Variants in DMD observed in about 807,000 individuals in gnomAD.
The protein encoded by DMD is dystrophin, also known as mutant dystrophin.
A neutral mutation model predicts 330.1 loss-of-function variants in DMD; 63 were observed. That is an observed-to-expected ratio of 0.19 (90% CI 0.16 to 0.24). The LOEUF (loss-of-function observed/expected upper bound fraction) is 0.24, where lower values mean the gene tolerates loss of function less well. DMD is among the 10% of genes least tolerant of loss of function. The pLI, the probability that DMD is intolerant of heterozygous loss-of-function variation, is 1.00. For synonymous variants in DMD, 1,223 were observed against 959.8 expected, an observed-to-expected ratio of 1.27 and a Z score of -5.07; for missense variants, 3,344 against 2,684.1, an observed-to-expected ratio of 1.25 and a Z score of -5.43.
chrX:32,694,021 T>G (rs2063471012), intron 9 of DMD, among the ~76,000 whole-genome samples: 1 of 112,202 alleles, frequency 8.9e-6, no homozygotes, highest in South Asian at 3.7e-4. Context: ...CTAAATTCAC[T>G]GAATAATTTT....
chrX:31,526,828 G>A (rs1480308160), intron 55 of DMD, among the ~76,000 whole-genome samples: 1 of 112,234 alleles, frequency 8.9e-6, no homozygotes, highest in East Asian at 2.8e-4. Context: ...TAAAAAGAGG[G>A]GCTGGGCATG....
chrX:32,792,140 G>A (rs1481870304), intron 7 of DMD, among the ~76,000 whole-genome samples: 1 of 111,574 alleles, frequency 9.0e-6, no homozygotes, highest in Non-Finnish European at 1.9e-5. Flanking sequence ...CCCAGCCAAG[G>A]TAGCCTTCAT....
chrX:32,352,150 A>G (rs1309437661), intron 37 of DMD, among the ~76,000 whole-genome samples: 1 of 110,698 alleles, frequency 9.0e-6, no homozygotes, highest in Non-Finnish European at 1.9e-5. Context: ...AAAAACACTG[A>G]TTTTCAAGTA....
At position 32,365,163 on chromosome X, in the gene DMD, G is replaced by T. The variant is rs1172674386; in HGVS notation, c.4882C>A (p.Leu1628Met). The T allele has an allele frequency of 3.3e-6, 4 of 1,210,876 alleles. No homozygotes were observed. The South Asian group carries it at 7.0e-5, about 21-fold the overall frequency. ...TCTCCTACCTCTGTGATACTCTTCA[G>T]GTGCACCTTCTGTTTCTCAATCTCT... ...QKEIEKQKVH[L>M]KSITEVGEAL... Residue 1628 changes from leucine to methionine, a missense_variant, in exon 35 of 79, where the codon CTG becomes ATG. Transcript: ENST00000357033.
chrX:33,336,910 C>A (rs2054262860), intron 1 of DMD, among the ~76,000 whole-genome samples: 2 of 110,972 alleles, frequency 1.8e-5, no homozygotes, highest in Admixed American at 1.9e-4. Context: ...ATGCATTTAT[C>A]AATAAGGGTT....
chrX:32,485,669 A>T (rs2042361792), intron 20 of DMD, among the ~76,000 whole-genome samples: 1 of 104,586 alleles, frequency 9.6e-6, no homozygotes, highest in South Asian at 4.4e-4. Flanking sequence ...ATATAAAAAT[A>T]TATCTATAAT....
intron 11 of DMD, among the ~76,000 whole-genome samples, chrX:32,616,412 T>C (rs1281342743): frequency 9.0e-6 from 1 of 111,259 alleles, no homozygotes. Flanking sequence ...AAATTATTTA[T>C]TTACATAGCA....
intron 57 of DMD, among the ~76,000 whole-genome samples, chrX:31,496,285 G>A (rs1476415440): frequency 4.5e-5 from 5 of 112,032 alleles, no homozygotes; most frequent in Non-Finnish European, 7.5e-5. Context: ...AATATGGACT[G>A]GATATTTGAT....
intron 43 of DMD, among the ~76,000 whole-genome samples, chrX:32,234,749 T>C (rs1053516159): frequency 3.6e-5 from 4 of 111,985 alleles, no homozygotes; most frequent in Non-Finnish European, 7.5e-5. Context: ...AATACCTCAA[T>C]ATGGATATCA....
At chrX:31,973,991 A>G (rs1179209550) in intron 44 of DMD, among the ~76,000 whole-genome samples, 1 of 112,096 alleles carries the variant, frequency 8.9e-6, no homozygotes, top group Non-Finnish European at 1.9e-5. Flanking sequence ...TATTCACAAT[A>G]GCAAAGACAT....
At chrX:32,665,274 TG>T (rs1307186518) in intron 9 of DMD, among the ~76,000 whole-genome samples, 1 of 111,577 alleles carries the variant, frequency 9.0e-6, no homozygotes. Context: ...ATTAAGAATA[TG>T]GGCTGTGGAA....
Position 32,310,247 on chromosome X carries a change from C to T in DMD, c.5952G>A (p.Val1984=). The T allele has an allele frequency of 8.3e-7, 1 of 1,209,202 alleles. No individual in the cohort carries two copies. The highest frequency in any genetic ancestry group is 1.1e-6 in the Non-Finnish European group (1 of 893,853). The change falls in exon 42 of 79, where the codon GTG becomes GTA. Residue 1984 remains valine (V), a synonymous_variant. Coordinates refer to ENST00000357033, the MANE Select transcript of DMD (RefSeq NM_004006.3). ...IHTVREETMM[V]MTEDMPLEIS... ...TTTCCAAAGGCATGTCTTCAGTCAT[C>T]ACCATCATCGTTTCTTCACGGACAG... is the stretch of plus-strand genomic sequence containing the variant.
At chrX:32,585,115 T>C (rs1329868393) in intron 13 of DMD, among the ~76,000 whole-genome samples, 1 of 111,149 alleles carries the variant, frequency 9.0e-6, no homozygotes, top group Non-Finnish European at 1.9e-5. Context: ...ATGTTCTCAT[T>C]CACATGTGGG....
At chrX:33,181,481 T>C (rs1358962948) in intron 1 of DMD, among the ~76,000 whole-genome samples, 1 of 111,567 alleles carries the variant, frequency 9.0e-6, no homozygotes, top group Middle Eastern at 4.6e-3. Context: ...ATCACTGAGC[T>C]CAGGGAGGTA....
intron 1 of DMD, among the ~76,000 whole-genome samples, chrX:33,205,175 T>C (rs998912787): frequency 8.9e-6 from 1 of 112,660 alleles, no homozygotes; most frequent in African/African-American, 3.2e-5. Flanking sequence ...TCCCTTTTGC[T>C]TCCTAGTTAT....
At chrX:32,401,551 C>T (rs2098086294) in intron 30 of DMD, among the ~76,000 whole-genome samples, 1 of 110,829 alleles carries the variant, frequency 9.0e-6, no homozygotes, top group African/African-American at 3.3e-5. Context: ...TAGAAGGATC[C>T]TTACTAGAGG....
chrX:32,608,981 T>C (rs1205347329), intron 12 of DMD, among the ~76,000 whole-genome samples: 1 of 110,989 alleles, frequency 9.0e-6, no homozygotes, highest in Non-Finnish European at 1.9e-5. Flanking sequence ...TATGGCACTG[T>C]CAAACTTAAC....
intron 48 of DMD, among the ~76,000 whole-genome samples, chrX:31,845,828 G>T (rs1158282279): frequency 9.0e-6 from 1 of 111,681 alleles, no homozygotes; most frequent in Non-Finnish European, 1.9e-5. Context: ...GGAGACATGA[G>T]TCAAGATGCC....
At chrX:33,087,590 C>T (rs2095026919) in intron 1 of DMD, among the ~76,000 whole-genome samples, 1 of 111,942 alleles carries the variant, frequency 8.9e-6, no homozygotes, top group East Asian at 2.8e-4. Context: ...TATGCTGAGG[C>T]TTTAAAATTA....
Sources: allele counts gnomAD v4.1 joint callset (sites outside exome capture counted in the v4.1 genomes callset), GRCh38; gene constraint gnomAD v4.1.1; transcripts MANE v1.5; gene names NCBI Gene and HGNC (gene_info 2026-07-23, HGNC 2026-07-21).